The following MSRB3 variants were observed in gnomAD, a reference collection of about 807,000 sequenced individuals.
The protein encoded by MSRB3 is methionine-R-sulfoxide reductase B3.
Under a neutral mutation model 21.0 loss-of-function variants are expected in MSRB3, and 13 were observed. That is an observed-to-expected ratio of 0.62 (90% CI 0.40 to 0.98). MSRB3 has a LOEUF of 0.98. MSRB3 is among the 50% of genes least tolerant of loss of function. The pLI is 0.00. For missense variants in MSRB3, 199 were observed against 230.3 expected (o/e 0.86, Z 0.88); for synonymous variants, 87 against 88.6 (o/e 0.98, Z 0.10).
chr12:65,342,273 A>G (rs1167829218), intron 4 of MSRB3, among the ~76,000 whole-genome samples: 1 of 151,968 alleles, frequency 6.6e-6, no homozygotes, highest in Non-Finnish European at 1.5e-5. Flanking sequence ...TTTGATGGAC[A>G]AAAGATTCAT....
At chr12:65,404,783 T>A (rs1880319149) in intron 5 of MSRB3, among the ~76,000 whole-genome samples, 1 of 152,160 alleles carries the variant, frequency 6.6e-6, no homozygotes, top group African/African-American at 2.4e-5. Context: ...TCTACTCTCT[T>A]TGCAATTTTC....
intron 5 of MSRB3, among the ~76,000 whole-genome samples, chr12:65,403,760 C>T (rs1880258697): frequency 1.3e-5 from 2 of 152,204 alleles, no homozygotes; most frequent in Admixed American, 6.5e-5. Context: ...ATCTCCTGGT[C>T]TGTGGGTTGT....
chr12:65,441,384 G>A (rs1022109407), intron 5 of MSRB3, among the ~76,000 whole-genome samples: 1 of 151,910 alleles, frequency 6.6e-6, no homozygotes. Flanking sequence ...AGAGAAGACT[G>A]TCATCAGGTG....
At chr12:65,280,587 C>T (rs1187519742) in intron 1 of MSRB3, among the ~76,000 whole-genome samples, 3 of 152,102 alleles carry the variant, frequency 2.0e-5, no homozygotes, top group Non-Finnish European at 4.4e-5. Context: ...TAATTCCGGT[C>T]CCAGCTGATA....
At chr12:65,341,491 C>T (rs771186208) in intron 4 of MSRB3, among the ~76,000 whole-genome samples, 2 of 151,058 alleles carry the variant, frequency 1.3e-5, no homozygotes, top group Admixed American at 6.6e-5. Flanking sequence ...CTAAATGAGA[C>T]CTAGAATTTG....
intron 2 of MSRB3, among the ~76,000 whole-genome samples, chr12:65,315,106 T>G (rs1043770563): frequency 6.6e-6 from 1 of 152,224 alleles, no homozygotes; most frequent in African/African-American, 2.4e-5. Context: ...GTTTACAATT[T>G]CATCCTAAAC....
intron 4 of MSRB3, among the ~76,000 whole-genome samples, chr12:65,347,793 G>A (rs1351980939): frequency 3.3e-5 from 5 of 152,096 alleles, no homozygotes; most frequent in South Asian, 2.1e-4. Context: ...TTTTTAGCAC[G>A]AAGGTTGTTG....
intron 5 of MSRB3, among the ~76,000 whole-genome samples, chr12:65,453,506 C>G (rs965637945): frequency 9.2e-5 from 14 of 152,170 alleles, no homozygotes; most frequent in Non-Finnish European, 2.1e-4. Context: ...GCACCAAACC[C>G]TAATGCAACT....
intron 5 of MSRB3, among the ~76,000 whole-genome samples, chr12:65,376,576 A>G (rs942540671): frequency 1.8e-4 from 27 of 152,144 alleles, no homozygotes; most frequent in African/African-American, 6.3e-4. Flanking sequence ...AAACTAACAC[A>G]GGAACAGAAA....
intron 5 of MSRB3, among the ~76,000 whole-genome samples, chr12:65,388,698 C>A (rs1026011360): frequency 2.0e-5 from 3 of 151,940 alleles, no homozygotes; most frequent in African/African-American, 7.2e-5. Context: ...AGTGAGAACC[C>A]GTCTCTCCAA....
chr12:65,361,030 A>G (rs1592564025), intron 4 of MSRB3, among the ~76,000 whole-genome samples: 1 of 152,112 alleles, frequency 6.6e-6, no homozygotes, highest in East Asian at 1.9e-4. Flanking sequence ...GCCTCACATA[A>G]GATCTTAACC....
In MSRB3 at chr12:65,423,387, T is replaced by C. The variant is rs1410840690; in HGVS notation, c.293-30341T>C. ...GCTCTGACTGGGACTTTTAGTACAA[T>C]ATTGAATAGAAGTAGTGAGAGTAGG... On this transcript the variant is annotated intron_variant, in intron 5 of 6. Coordinates refer to ENST00000308259, the MANE Select transcript of MSRB3 (RefSeq NM_001031679.3). Among the ~76,000 whole-genome samples, 3 of 152,334 alleles carry C rather than the reference T, an allele frequency of 2.0e-5. No homozygotes were observed. The East Asian group carries it at 5.8e-4, about 29-fold the overall frequency.
intron 4 of MSRB3, among the ~76,000 whole-genome samples, chr12:65,337,277 A>AC (rs1555203564): frequency 4.0e-4 from 60 of 151,462 alleles, no homozygotes; most frequent in African/African-American, 1.5e-3. Context: ...ACAAAAAAAA[A>AC]CCAAAAATCA....
intron 2 of MSRB3, among the ~76,000 whole-genome samples, chr12:65,322,457 G>C (rs572023169): frequency 6.6e-6 from 1 of 151,764 alleles, no homozygotes; most frequent in Non-Finnish European, 1.5e-5. Flanking sequence ...TCAGGAGTTC[G>C]AGACCTGGCC....
intron 5 of MSRB3, chr12:65,418,652 T>G: frequency 1.1e-5 from 3 of 273,334 alleles, no homozygotes; most frequent in East Asian, 1.4e-4. Flanking sequence ...CCATTTTGAG[T>G]TTTTTTTTTT....
At chr12:65,460,751 T>A (rs1335777608) in intron 6 of MSRB3, among the ~76,000 whole-genome samples, 1 of 151,780 alleles carries the variant, frequency 6.6e-6, no homozygotes, top group African/African-American at 2.4e-5. Flanking sequence ...TTTTTTTTTT[T>A]TTGCCTTGGA....
At chr12:65,305,717 C>T (rs551603519) in intron 1 of MSRB3, among the ~76,000 whole-genome samples, 2 of 152,290 alleles carry the variant, frequency 1.3e-5, no homozygotes, top group Non-Finnish European at 2.9e-5. Context: ...CAGTGCATGG[C>T]ACATGCTGTG....
At chr12:65,365,542 C>T (rs975069943) in intron 4 of MSRB3, among the ~76,000 whole-genome samples, 26 of 152,154 alleles carry the variant, frequency 1.7e-4, no homozygotes, top group South Asian at 4.2e-4. Flanking sequence ...CACTTAATGT[C>T]GCCAGGTCAG....
chr12:65,347,140 A>G (rs1565845853), intron 4 of MSRB3, among the ~76,000 whole-genome samples: 1 of 152,176 alleles, frequency 6.6e-6, no homozygotes, highest in Non-Finnish European at 1.5e-5. Flanking sequence ...TGGTAGCTTT[A>G]TGGGGCTGGC....
Sources: allele counts gnomAD v4.1 joint callset (sites outside exome capture counted in the v4.1 genomes callset), GRCh38; gene constraint gnomAD v4.1.1; transcripts MANE v1.5; gene names NCBI Gene and HGNC (gene_info 2026-07-23, HGNC 2026-07-21).